LRP1: variants seen among roughly 807,000 people sequenced by gnomAD.
LRP1 encodes the protein LDL receptor related protein 1, also known as prolow-density lipoprotein receptor-related protein 1.
Under a neutral mutation model 541.5 loss-of-function variants are expected in LRP1, and 51 were observed. The ratio of observed to expected loss-of-function variants is 0.09; its 90% confidence interval spans 0.08 to 0.12. The LOEUF (loss-of-function observed/expected upper bound fraction) is 0.12, where lower values mean the gene tolerates loss of function less well. Ranked by LOEUF, LRP1 falls within the 10% of genes least tolerant of loss-of-function variation. LRP1 has a pLI of 1.00. For synonymous variants in LRP1, 2,219 were observed against 2,470.8 expected, an observed-to-expected ratio of 0.90 and a Z score of 3.02; for missense variants, 3,878 against 6,376.2, an observed-to-expected ratio of 0.61 and a Z score of 13.34.
rs371656104 is a variant in LRP1 at position 57,196,036 on chromosome 12, T to A, written c.8701+33T>A. 17 of 1,611,092 alleles carry A rather than the reference T, an allele frequency of 1.1e-5. No individual in the cohort carries two copies. In the African/African-American group the frequency reaches 1.7e-4, roughly 16 times the overall value. On this transcript the variant is annotated intron_variant, in intron 54 of 88. Transcript: ENST00000243077. ...CCAGACCTGGCTCCCCTCTGCCCCC[T>A]CCCCAGACTGCCTGAGACCCCGCTG...
At position 57,177,947 on chromosome 12, in the gene LRP1, C is replaced by CTTTTTTTTTTT. The variant is rs34010163; in HGVS notation, c.4361+365_4361+375dup. On this transcript the variant is annotated intron_variant, in intron 26 of 88. Transcript: ENST00000243077. The surrounding 1 kb of genome is among the most constrained non-coding windows in gnomAD (Gnocchi z 6.8). ...CCCAGGGAGGGTGCCTTTTTCTTTT[C>CTTTTTTTTTTT]TTTTTTTTTTTTTTTTTTTGAGACA... Among the ~76,000 whole-genome samples, 1 of 121,370 alleles carries CTTTTTTTTTTT rather than the reference C, an allele frequency of 8.2e-6. No individual in the cohort carries two copies. The highest frequency in any genetic ancestry group is 1.7e-5 in the Non-Finnish European group (1 of 59,802). 79.6% of individuals were successfully genotyped at this position (121,370 alleles called of 152,430 possible).
At chr12:57,150,316 C>T (rs1484694477) in intron 6 of LRP1, among the ~76,000 whole-genome samples, 4 of 151,052 alleles carry the variant, frequency 2.6e-5, no homozygotes, top group South Asian at 4.2e-4. Flanking sequence ...CTCAGGCTCC[C>T]GAGTAGCTAG....
In LRP1 at chr12:57,173,374, T is replaced by A; in HGVS notation, c.3346+24T>A. The A allele has an allele frequency of 6.2e-7, 1 of 1,606,946 alleles. No individual in the cohort carries two copies. Among genetic ancestry groups the A allele is most frequent in the Non-Finnish European group, 8.5e-7 (1 of 1,175,308 alleles). On this transcript the variant is annotated intron_variant, in intron 21 of 88. Coordinates refer to ENST00000243077, the MANE Select transcript of LRP1 (RefSeq NM_002332.3). The surrounding 1 kb of genome is among the most constrained non-coding windows in gnomAD (Gnocchi z 4.7). ...AGGTGAAGAGGATGGTTGGAGGGCG[T>A]CTGGAACAGCACAATGTGGGCAGGA...
At chr12:57,150,798 G>A (rs2035511509) in intron 6 of LRP1, among the ~76,000 whole-genome samples, 1 of 152,196 alleles carries the variant, frequency 6.6e-6, no homozygotes, top group Non-Finnish European at 1.5e-5. Flanking sequence ...AGACTCAGAG[G>A]CATTAAGTAA....
At position 57,149,073 on chromosome 12, in the gene LRP1, A is replaced by G; in HGVS notation, c.841+3583A>G. 1.2e-5 allele frequency: 7 copies of G among 561,814 alleles called. No individual in the cohort carries two copies. In the South Asian group the frequency reaches 1.7e-4, roughly 13 times the overall value. 34.8% of individuals were successfully genotyped at this position (561,814 alleles called of 1,614,324 possible). On this transcript the variant is annotated intron_variant, in intron 6 of 88. Coordinates refer to ENST00000243077, the MANE Select transcript of LRP1 (RefSeq NM_002332.3). ...GGCAGACAGCAGTCCCTCTGAGTCT[A>G]ATGAACTGGCTGCTGCTGCTGGAAG...
Position 57,180,159 on chromosome 12 carries a change from C to A in LRP1, c.5236+18C>A. 1 of 1,610,224 alleles carries A rather than the reference C, an allele frequency of 6.2e-7. No individual in the cohort carries two copies. Among genetic ancestry groups the A allele is most frequent in the Non-Finnish European group, 8.5e-7 (1 of 1,176,852 alleles). On this transcript the variant is annotated intron_variant, in intron 31 of 88. Coordinates refer to ENST00000243077, the MANE Select transcript of LRP1 (RefSeq NM_002332.3). ...CCCCGTGGGTACGAGCTTCCCTGCC[C>A]ACCCCCACAGCCCCTCCCTAATTCC... is the stretch of plus-strand genomic sequence containing the variant.
chr12:57,192,486 C>A (rs1565744612), intron 44 of LRP1, among the ~76,000 whole-genome samples: 1 of 152,150 alleles, frequency 6.6e-6, no homozygotes, highest in East Asian at 1.9e-4. Context: ...TGCCCCAGCG[C>A]CCCCCACCAC....
chr12:57,140,102 CT>C (rs373083618), intron 2 of LRP1, among the ~76,000 whole-genome samples: 29 of 147,714 alleles, frequency 2.0e-4, no homozygotes, highest in African/African-American at 2.5e-4. Flanking sequence ...TGGCCACAAC[CT>C]TTTTTTTTTT....
rs547653829 is a variant in LRP1, at chr12:57,204,259, C to T, written c.10952-151C>T. The T allele has an allele frequency of 2.1e-6, 2 of 942,370 alleles. No individual in the cohort carries two copies. The highest frequency in any genetic ancestry group is 5.4e-5 in the East Asian group (2 of 37,290). 58.4% of individuals were successfully genotyped at this position (942,370 alleles called of 1,614,324 possible). On this transcript the variant is annotated intron_variant, in intron 70 of 88. Transcript: ENST00000243077. This position sits in a 1 kb window ranked among gnomAD's most constrained non-coding sequence, Gnocchi z 5.3. ...AAATACCAGAGGGGGCAGTTTGGCCCCACCAAGTAGAAATTTAAGAGACCT... is the reference window on the plus strand; with the variant it reads ...AAATACCAGAGGGGGCAGTTTGGCCTCACCAAGTAGAAATTTAAGAGACCT...
At position 57,212,275 on chromosome 12, in the gene LRP1, C is replaced by T. The variant is rs781032597; in HGVS notation, c.13494+14C>T. The stretch of plus-strand genomic sequence containing the variant: ...GACCCTGACAAGGTGGGCTGGGAGG[C>T]GGGCAGGGTCGAGTGCCAAGAGGCC... On this transcript the variant is annotated intron_variant, in intron 88 of 88. Transcript: ENST00000243077. The surrounding 1 kb of genome is among the most constrained non-coding windows in gnomAD (Gnocchi z 5.0). 2.4e-5 allele frequency: 38 copies of T among 1,611,686 alleles called. No individual in the cohort carries two copies. Among genetic ancestry groups the T allele is most frequent in the Non-Finnish European group, 2.9e-5 (34 of 1,178,750 alleles).
intron 34 of LRP1, among the ~76,000 whole-genome samples, chr12:57,182,140 C>T (rs1224519482): frequency 6.6e-6 from 1 of 152,014 alleles, no homozygotes; most frequent in Non-Finnish European, 1.5e-5. Flanking sequence ...TGTGGGGATT[C>T]ACTTTGGGAT....
At chr12:57,151,454 C>G (rs2035524001) in intron 6 of LRP1, among the ~76,000 whole-genome samples, 1 of 152,256 alleles carries the variant, frequency 6.6e-6, no homozygotes, top group Non-Finnish European at 1.5e-5. Flanking sequence ...CTCCCTCTCT[C>G]CCCTTTGGTT....
At position 57,211,574 on chromosome 12, in the gene LRP1, G is replaced by A. The variant is rs1277501126; in HGVS notation, c.13179G>A (p.Met4393Ile). 1 of 1,614,114 alleles carries A rather than the reference G, an allele frequency of 6.2e-7. No individual in the cohort carries two copies. Among genetic ancestry groups the A allele is most frequent in the East Asian group, 2.2e-5 (1 of 44,890 alleles). ...GCTCCTGTACCATGAACAGCAAAATGATGCCTGAGTGCCAGTGAGTTGGGC... is the reference window on the plus strand; with the variant it reads ...GCTCCTGTACCATGAACAGCAAAATAATGCCTGAGTGCCAGTGAGTTGGGC... ...NGGSCTMNSK[M>I]MPECQCPPHM... Residue 4393 changes from methionine (M) to isoleucine (I), a missense_variant, in exon 85 of 89, where the codon ATG (methionine) becomes ATA (isoleucine). By Grantham distance (10) the Met-to-Ile change is conservative. Around this residue, in one of 13 missense-constraint regions of LRP1, gnomAD observed 871 missense variants for 1,212.4 expected, o/e 0.72. Coordinates refer to ENST00000243077, the MANE Select transcript of LRP1 (RefSeq NM_002332.3). The surrounding 1 kb of genome is among the most constrained non-coding windows in gnomAD (Gnocchi z 4.3).
rs148345722 is a variant in LRP1 at position 57,144,994 on chromosome 12, C to T, written c.471C>T (p.Tyr157=). Residue 157 remains tyrosine (Y), a synonymous_variant, in exon 5 of 89, where the codon TAC becomes TAT. Coordinates refer to ENST00000243077, the MANE Select transcript of LRP1 (RefSeq NM_002332.3). ...TCKDFDECSV[Y]GTCSQLCTNT... is the part of the protein sequence containing the mutation. ...CAGATTTTGATGAGTGCTCAGTGTA[C>T]GGCACCTGCAGCCAGCTATGCACCA... 86 of 1,614,092 alleles carry T rather than the reference C, an allele frequency of 5.3e-5. No individual in the cohort carries two copies. The East Asian group carries it at 1.0e-3, about 19-fold the overall frequency.
chr12:57,199,732 A>T, intron 61 of LRP1, 145 bp from the exon 62 acceptor site: 1 of 1,026,812 alleles, frequency 9.7e-7, no homozygotes, highest in Non-Finnish European at 1.4e-6. Context: ...CTGGGACCTT[A>T]GAATCCTCTC....
rs553044821 is a variant in LRP1, at chr12:57,211,671, G to A, written c.13194-79G>A. On this transcript the variant is annotated intron_variant, in intron 85 of 88. Coordinates refer to ENST00000243077, the MANE Select transcript of LRP1 (RefSeq NM_002332.3). The surrounding 1 kb of genome is among the most constrained non-coding windows in gnomAD (Gnocchi z 4.3). ...AGCAGGAGGACCGTCAGGCCTCAGT[G>A]CCCACCCCCCGCCCTGTTTTCCTGG... The A allele has an allele frequency of 3.9e-4, 610 of 1,574,814 alleles. No individual in the cohort carries two copies. The highest frequency in any genetic ancestry group is 5.0e-4 in the Non-Finnish European group (572 of 1,148,966).
At chr12:57,210,539 C>CA (rs1178306191) in intron 82 of LRP1, 59 bp downstream of exon 82, 1 of 1,479,682 alleles carries the variant, frequency 6.8e-7, no homozygotes, top group Non-Finnish European at 9.1e-7. Context: ...CCCCGCCACC[C>CA]ACCACCCCAC....
In LRP1 at chr12:57,178,691, G is replaced by A; in HGVS notation, c.4606+88G>A. On this transcript the variant is annotated intron_variant, in intron 27 of 88. Transcript: ENST00000243077. This position sits in a 1 kb window ranked among gnomAD's most constrained non-coding sequence, Gnocchi z 5.8. ...AGCTCTTAGGAGAGGAGAGGGCAGT[G>A]AGAACAGGAGCAAGTCTGTGCTGGG... 10 of 1,581,214 alleles carry A rather than the reference G, an allele frequency of 6.3e-6. No individual in the cohort carries two copies. The highest frequency in any genetic ancestry group is 4.5e-5 in the East Asian group (2 of 44,630).
Position 57,201,433 on chromosome 12 carries a change from C to A in LRP1, c.10346-64C>A. 1 of 1,555,452 alleles carries A rather than the reference C, an allele frequency of 6.4e-7. No individual in the cohort carries two copies. Among genetic ancestry groups the A allele is most frequent in the Non-Finnish European group, 8.7e-7 (1 of 1,146,006 alleles). On this transcript the variant is annotated intron_variant, in intron 65 of 88. Transcript: ENST00000243077. This position sits in a 1 kb window ranked among gnomAD's most constrained non-coding sequence, Gnocchi z 6.4. ...GCCAGGGCTTGGAAGAGAGAGAAGA[C>A]AGTGATGGTGAACTGGAGTGGCAGG...
Sources: allele counts gnomAD v4.1 joint callset (sites outside exome capture counted in the v4.1 genomes callset), GRCh38; gene constraint gnomAD v4.1.1; regional missense constraint gnomAD v4.1.1; non-coding constraint Gnocchi (gnomAD v3.1); transcripts MANE v1.5; gene names NCBI Gene and HGNC (gene_info 2026-07-23, HGNC 2026-07-21).